Variants in TMEM245 observed in about 807,000 individuals in gnomAD.
TMEM245 encodes the protein transmembrane protein 245.
In TMEM245, 69 loss-of-function variants were observed where a neutral mutation model predicts 101.2. The ratio of observed to expected loss-of-function variants is 0.68; its 90% confidence interval spans 0.56 to 0.83. The LOEUF (loss-of-function observed/expected upper bound fraction) is 0.83, where lower values mean the gene tolerates loss of function less well. Among genes scored for constraint, TMEM245 ranks in the 40% least tolerant of loss-of-function variants. TMEM245 has a pLI of 0.00. For synonymous variants in TMEM245, 537 were observed against 449.8 expected (o/e 1.19, Z -2.45); for missense variants, 1,075 against 1,092.8 (o/e 0.98, Z 0.23).
At chr9:109,075,254 C>A (rs959427775) in intron 8 of TMEM245, among the ~76,000 whole-genome samples, 1 of 152,146 alleles carries the variant, frequency 6.6e-6, no homozygotes, top group Non-Finnish European at 1.5e-5. Flanking sequence ...TTTTTACATA[C>A]TGCAGGATTT....
intron 9 of TMEM245, among the ~76,000 whole-genome samples, chr9:109,071,258 T>C (rs1206276738): frequency 1.3e-5 from 2 of 152,078 alleles, no homozygotes; most frequent in Non-Finnish European, 2.9e-5. Context: ...CTGTATAATA[T>C]TCCACTGCAT....
chr9:109,097,650 G>A (rs1308779926), intron 3 of TMEM245, among the ~76,000 whole-genome samples: 1 of 152,210 alleles, frequency 6.6e-6, no homozygotes, highest in East Asian at 1.9e-4. Context: ...TGGGCACAGT[G>A]GCTCACACCT....
At chr9:109,077,777 T>C (rs1829554912) in intron 8 of TMEM245, among the ~76,000 whole-genome samples, 2 of 152,252 alleles carry the variant, frequency 1.3e-5, no homozygotes, top group Admixed American at 1.3e-4. Flanking sequence ...TGTTTTTTAA[T>C]ATTTTTACTA....
At position 109,119,317 on chromosome 9, in the gene TMEM245, G is replaced by T; in HGVS notation, c.579+18C>A. The T allele has an allele frequency of 6.6e-7, 1 of 1,519,710 alleles. No homozygotes were observed. 94.1% of individuals were successfully genotyped at this position (1,519,710 alleles called of 1,614,324 possible). On this transcript the variant is annotated intron_variant, in intron 1 of 17. Transcript: ENST00000374586. ...GGGACCACGGGCGGGGGACGGGGGC[G>T]GACTGCCGCTCACTCACCCACAGGC...
chr9:109,106,736 C>CAAA, intron 2 of TMEM245, 127 bp from the exon 3 acceptor site: 14 of 437,422 alleles, frequency 3.2e-5, no homozygotes, highest in South Asian at 2.6e-4. Context: ...ACTTATCAGG[C>CAAA]AAAAAAAAAA....
chr9:109,059,645 A>G (rs890249671), intron 11 of TMEM245, among the ~76,000 whole-genome samples: 1 of 152,146 alleles, frequency 6.6e-6, no homozygotes, highest in Non-Finnish European at 1.5e-5. Flanking sequence ...AGATCACACC[A>G]CTGCACTCCA....
At chr9:109,074,814 G>C (rs10979681) in intron 8 of TMEM245, among the ~76,000 whole-genome samples, 5 of 151,964 alleles carry the variant, frequency 3.3e-5, no homozygotes, top group African/African-American at 1.2e-4. Context: ...CAATTCTATC[G>C]GGCCCCAGAA....
chr9:109,057,452 T>C, intron 11 of TMEM245, 130 bp from the exon 12 acceptor site: 1 of 1,106,334 alleles, frequency 9.0e-7, no homozygotes, highest in Non-Finnish European at 1.2e-6. Context: ...AACTTTGCAT[T>C]ATTTAAGAAA....
intron 16 of TMEM245, among the ~76,000 whole-genome samples, chr9:109,035,283 C>G (rs1828086978): frequency 6.6e-6 from 1 of 151,042 alleles, no homozygotes; most frequent in African/African-American, 2.5e-5. Context: ...TATTCCTGCT[C>G]AAATGTCAAC....
chr9:109,054,497 G>A (rs1828777537), intron 12 of TMEM245, among the ~76,000 whole-genome samples: 1 of 152,098 alleles, frequency 6.6e-6, no homozygotes, highest in African/African-American at 2.4e-5. Flanking sequence ...TATCAAAAGG[G>A]TGAAAACAAT....
chr9:109,036,831 A>C (rs183916564), intron 15 of TMEM245, among the ~76,000 whole-genome samples: 4 of 152,334 alleles, frequency 2.6e-5, no homozygotes, highest in Admixed American at 2.6e-4. Flanking sequence ...ATTCCCTTCC[A>C]GAGCAGTATG....
At chr9:109,057,478 T>A (rs1828874528) in intron 11 of TMEM245, among the ~76,000 whole-genome samples, 156 bp from the exon 12 acceptor site, 1 of 152,072 alleles carries the variant, frequency 6.6e-6, no homozygotes, top group African/African-American at 2.4e-5. Flanking sequence ...TAAGGCCGGG[T>A]GCGGTGGCTC....
chr9:109,021,406 A>C (rs1827617585), intron 17 of TMEM245, among the ~76,000 whole-genome samples: 1 of 152,240 alleles, frequency 6.6e-6, no homozygotes, highest in Non-Finnish European at 1.5e-5. Flanking sequence ...ACAGTCTATT[A>C]CCATTCTTTT....
At chr9:109,020,555 C>T (rs1340690741) in intron 17 of TMEM245, 50 bp from the exon 18 acceptor site, 2 of 1,526,304 alleles carry the variant, frequency 1.3e-6, no homozygotes, top group South Asian at 2.3e-5. Flanking sequence ...AAAACAGTAT[C>T]CTATTTTTAC....
In TMEM245 at chr9:109,073,745, G is replaced by A. The variant is rs376403210; in HGVS notation, c.1450-307C>T. Among the ~76,000 whole-genome samples, 143 of 151,544 alleles carry A rather than the reference G, an allele frequency of 9.4e-4. 3 individuals carry two copies. The South Asian group carries it at 0.026, about 28-fold the overall frequency. The stretch of plus-strand genomic sequence containing the variant: ...TACATTTCATTTGCATGAATATATC[G>A]TATAAATGTGTTTGTGTATCTATGT... On this transcript the variant is annotated intron_variant, in intron 8 of 17. Transcript: ENST00000374586.
intron 8 of TMEM245, among the ~76,000 whole-genome samples, chr9:109,079,811 G>T (rs1212116584): frequency 6.6e-6 from 1 of 151,894 alleles, no homozygotes; most frequent in African/African-American, 2.4e-5. Context: ...TGAAAGAACT[G>T]GAATGTAAGA....
At chr9:109,067,723 T>G (rs565071514) in intron 9 of TMEM245, among the ~76,000 whole-genome samples, 1 of 152,274 alleles carries the variant, frequency 6.6e-6, no homozygotes, top group South Asian at 2.1e-4. Context: ...ACATCATTAT[T>G]TTCTTTAGAG....
intron 2 of TMEM245, among the ~76,000 whole-genome samples, chr9:109,107,716 G>A (rs1187940567): frequency 6.6e-6 from 1 of 152,090 alleles, no homozygotes; most frequent in African/African-American, 2.4e-5. Flanking sequence ...TGCTGCTCTG[G>A]GTTACTGAAT....
At chr9:109,070,974 C>T (rs1588050695) in intron 9 of TMEM245, among the ~76,000 whole-genome samples, 1 of 152,196 alleles carries the variant, frequency 6.6e-6, no homozygotes, top group East Asian at 1.9e-4. Flanking sequence ...CTCCGTCTCC[C>T]GAGTTCAAGC....
Sources: allele counts gnomAD v4.1 joint callset (sites outside exome capture counted in the v4.1 genomes callset), GRCh38; gene constraint gnomAD v4.1.1; transcripts MANE v1.5; gene names NCBI Gene and HGNC (gene_info 2026-07-23, HGNC 2026-07-21).